Variants in RGS7 observed in about 807,000 individuals in gnomAD.
RGS7 encodes the protein regulator of G protein signaling 7.
A neutral mutation model predicts 81.1 loss-of-function variants in RGS7; 27 were observed. The ratio of observed to expected loss-of-function variants is 0.33; its 90% CI spans 0.25 to 0.46. RGS7 has a LOEUF of 0.46. Ranked by LOEUF, RGS7 falls within the 20% of genes least tolerant of loss-of-function variation. The probability of loss-of-function intolerance (pLI) is 1.00; values close to 1 mark genes in which losing one functional copy is unlikely to be tolerated. For missense variants in RGS7, 396 were observed against 607.4 expected, an observed-to-expected ratio of 0.65 and a Z score of 3.66; for synonymous variants, 208 against 207.7, an observed-to-expected ratio of 1.00 and a Z score of -0.01.
chr1:240,917,076 C>T (rs1672734183), intron 6 of RGS7, among the ~76,000 whole-genome samples: 1 of 152,020 alleles, frequency 6.6e-6, no homozygotes, highest in Admixed American at 6.6e-5. Context: ...TCATCAGAAA[C>T]CATGCAAGCA....
intron 2 of RGS7, among the ~76,000 whole-genome samples, chr1:241,154,424 TCCAGGGGAAGAAAG>T (rs1388462638): frequency 6.6e-6 from 1 of 151,288 alleles, no homozygotes; most frequent in Admixed American, 6.6e-5. Context: ...GAGGGGTGAG[TCCAGGGGAAGAAAG>T]CCATAACATG....
intron 2 of RGS7, among the ~76,000 whole-genome samples, chr1:241,211,014 G>A (rs911316493): frequency 1.6e-4 from 25 of 152,170 alleles, no homozygotes; most frequent in African/African-American, 6.0e-4. Flanking sequence ...GGCCAGGTGT[G>A]GGGCTCATGC....
At chr1:241,084,921 G>A (rs1030556764) in intron 3 of RGS7, among the ~76,000 whole-genome samples, 3 of 152,234 alleles carry the variant, frequency 2.0e-5, no homozygotes, top group Admixed American at 6.5e-5. Flanking sequence ...TTTGGCTCCT[G>A]CCAATTAGTT....
chr1:241,005,610 G>A lies in RGS7; in HGVS notation c.176-22481C>T, dbSNP rs139657200. On this transcript the variant is annotated intron_variant, in intron 3 of 18. Transcript: ENST00000440928. Reference sequence around the variant, plus strand: ...GATTGCAGTGGTGTGATCTCGGCTCGCTGCAACTCTGCCTCCCAGGTTCAA... The same window carrying A: ...GATTGCAGTGGTGTGATCTCGGCTCACTGCAACTCTGCCTCCCAGGTTCAA... Among the ~76,000 whole-genome samples the A allele has an allele frequency of 2.0e-3, 297 of 151,804 alleles. 3 individuals carry two copies. Among genetic ancestry groups the A allele is most frequent in the African/African-American group, 6.5e-3 (271 of 41,394 alleles).
intron 3 of RGS7, among the ~76,000 whole-genome samples, chr1:241,072,839 A>G (rs1242655867): frequency 6.6e-6 from 1 of 152,116 alleles, no homozygotes; most frequent in Admixed American, 6.6e-5. Flanking sequence ...ATAGGCATGT[A>G]TTTACATGCC....
chr1:240,886,528 T>C (rs1667363810), intron 6 of RGS7, among the ~76,000 whole-genome samples: 1 of 152,318 alleles, frequency 6.6e-6, no homozygotes, highest in African/African-American at 2.4e-5. Context: ...AAACACATAT[T>C]TCATTGAATA....
At chr1:241,223,592 T>C (rs372674676) in intron 2 of RGS7, among the ~76,000 whole-genome samples, 22 of 152,080 alleles carry the variant, frequency 1.4e-4, no homozygotes, top group Middle Eastern at 3.4e-3. Context: ...GAAGGAATGA[T>C]TAAAGAAAGA....
At chr1:241,111,928 A>C (rs533988338) in intron 2 of RGS7, among the ~76,000 whole-genome samples, 1 of 152,376 alleles carries the variant, frequency 6.6e-6, no homozygotes, top group African/African-American at 2.4e-5. Context: ...CAGAGCCTAG[A>C]ACATTTCAGA....
intron 2 of RGS7, among the ~76,000 whole-genome samples, chr1:241,260,841 A>G (rs1046025346): frequency 1.3e-5 from 2 of 148,636 alleles, no homozygotes; most frequent in South Asian, 2.1e-4. Context: ...GTTGGTTAAA[A>G]CAGACTTAAG....
chr1:240,790,860 G>T (rs1320013108), intron 18 of RGS7, among the ~76,000 whole-genome samples: 4 of 152,130 alleles, frequency 2.6e-5, no homozygotes, highest in Non-Finnish European at 5.9e-5. Context: ...GTACCTTGAA[G>T]ATTTACATTT....
chr1:241,069,804 T>G (rs2500236), intron 3 of RGS7, among the ~76,000 whole-genome samples: 40,816 of 152,078 alleles, frequency 0.27, 5,876 homozygotes, highest in East Asian at 0.39. Context: ...AAAATTCAAT[T>G]GAAACAAAAG....
intron 2 of RGS7, among the ~76,000 whole-genome samples, chr1:241,135,710 G>A (rs2067458406): frequency 6.6e-6 from 1 of 151,986 alleles, no homozygotes; most frequent in Non-Finnish European, 1.5e-5. Context: ...TGATCTGAGT[G>A]GGAACTCCTT....
chr1:240,824,873 T>C (rs1692518061), intron 10 of RGS7, among the ~76,000 whole-genome samples: 2 of 152,214 alleles, frequency 1.3e-5, no homozygotes, highest in Non-Finnish European at 1.5e-5. Context: ...TTTTGTTTTG[T>C]TTTTCTCTCT....
intron 18 of RGS7, among the ~76,000 whole-genome samples, chr1:240,792,190 CATTT>C (rs1196843579): frequency 6.6e-6 from 1 of 152,176 alleles, no homozygotes; most frequent in Non-Finnish European, 1.5e-5. Context: ...GACAGTGTGA[CATTT>C]ATTTTTCTGC....
chr1:241,067,163 C>T (rs1345788152), intron 3 of RGS7, among the ~76,000 whole-genome samples: 1 of 152,092 alleles, frequency 6.6e-6, no homozygotes, highest in Non-Finnish European at 1.5e-5. Context: ...TTCTTGTGGC[C>T]TCCTTTTTAC....
chr1:241,085,436 T>C (rs935619320), intron 3 of RGS7, among the ~76,000 whole-genome samples: 1 of 150,738 alleles, frequency 6.6e-6, no homozygotes, highest in East Asian at 1.9e-4. Context: ...TATTTATTTA[T>C]TTATTTTTGA....
chr1:241,198,119 G>T (rs2073221197), intron 2 of RGS7, among the ~76,000 whole-genome samples: 1 of 151,822 alleles, frequency 6.6e-6, no homozygotes, highest in Non-Finnish European at 1.5e-5. Context: ...TCATGAGCAA[G>T]AGAAGAAATT....
At chr1:240,852,585 C>A (rs1340866959) in intron 9 of RGS7, among the ~76,000 whole-genome samples, 2 of 152,088 alleles carry the variant, frequency 1.3e-5, no homozygotes, top group African/African-American at 4.8e-5. Context: ...GGTGAATGTT[C>A]TCTAGGCACT....
At chr1:240,823,138 A>G in intron 10 of RGS7, 1 of 1,165,774 alleles carries the variant, frequency 8.6e-7, no homozygotes, top group Non-Finnish European at 1.3e-6. Flanking sequence ...GTAGCCAACA[A>G]TGGCCACATT....
Sources: allele counts gnomAD v4.1 joint callset (sites outside exome capture counted in the v4.1 genomes callset), GRCh38; gene constraint gnomAD v4.1.1; transcripts MANE v1.5; gene names NCBI Gene and HGNC (gene_info 2026-07-23, HGNC 2026-07-21).